CDC25A: variants seen among roughly 807,000 people sequenced by gnomAD.
CDC25A encodes cell division cycle 25A, also known as M-phase inducer phosphatase 1.
In CDC25A, 17 loss-of-function variants were observed where a neutral mutation model predicts 64.6. That is an observed-to-expected ratio of 0.26 (90% CI 0.18 to 0.39). The LOEUF (loss-of-function observed/expected upper bound fraction) is 0.39, where lower values mean the gene tolerates loss of function less well. Ranked by LOEUF, CDC25A falls within the 10% of genes least tolerant of loss-of-function variation. CDC25A has a pLI of 1.00. For synonymous variants in CDC25A, 229 were observed against 238.6 expected (o/e 0.96, Z 0.37); for missense variants, 473 against 654.8 (o/e 0.72, Z 3.03).
At chr3:48,185,025 T>C (rs1489580764) in intron 2 of CDC25A, among the ~76,000 whole-genome samples, 1 of 152,210 alleles carries the variant, frequency 6.6e-6, no homozygotes, top group Admixed American at 6.5e-5. Context: ...CAGATAACTT[T>C]CTGTGAGTTC....
Position 48,184,109 on chromosome 3 carries a change from T to C in CDC25A, c.291-273A>G, listed in dbSNP as rs150834272. Among the ~76,000 whole-genome samples the C allele has an allele frequency of 3.8e-3, 575 of 152,150 alleles. 2 individuals carry two copies. Among genetic ancestry groups the C allele is most frequent in the African/African-American group, 0.013 (534 of 41,518 alleles). The stretch of plus-strand genomic sequence containing the variant: ...GCTCACACATGTAATCCCAGCACTA[T>C]GGGCACTATGGGAGGCCGAGGAGGG... On this transcript the variant is annotated intron_variant, in intron 3 of 14. Transcript: ENST00000302506.
intron 9 of CDC25A, among the ~76,000 whole-genome samples, chr3:48,170,883 G>A (rs1249206091): frequency 2.0e-5 from 3 of 152,094 alleles, no homozygotes; most frequent in Non-Finnish European, 2.9e-5. Flanking sequence ...TCACAGGTAT[G>A]ATAACTGTAC....
chr3:48,172,722 G>A (rs1336659551), intron 9 of CDC25A, among the ~76,000 whole-genome samples: 1 of 152,138 alleles, frequency 6.6e-6, no homozygotes, highest in East Asian at 1.9e-4. Context: ...AAATTAGCTG[G>A]GTTTGGTGGC....
chr3:48,165,607 C>T, intron 12 of CDC25A, 29 bp downstream of exon 12: 1 of 1,506,242 alleles, frequency 6.6e-7, no homozygotes, highest in Admixed American at 1.7e-5. Flanking sequence ...TTTAGGGCTC[C>T]TTCTACAGCA....
intron 5 of CDC25A, among the ~76,000 whole-genome samples, chr3:48,182,717 C>T (rs2032711090): frequency 6.6e-6 from 1 of 152,220 alleles, no homozygotes; most frequent in Non-Finnish European, 1.5e-5. Context: ...ATTACTACTC[C>T]TATTTTACAA....
At chr3:48,181,604 A>G (rs563848687) in intron 5 of CDC25A, 56 of 1,536,926 alleles carry the variant, frequency 3.6e-5, no homozygotes, top group East Asian at 6.7e-5. Flanking sequence ...TCTTGTCCCT[A>G]TGGGATTTGT....
intron 9 of CDC25A, among the ~76,000 whole-genome samples, chr3:48,172,674 C>T (rs917285485): frequency 1.3e-5 from 2 of 152,142 alleles, no homozygotes. Context: ...GACCAGCCTG[C>T]GCAACATGGC....
chr3:48,159,566 A>C, intron 13 of CDC25A, 111 bp from the exon 14 acceptor site: 1 of 692,570 alleles, frequency 1.4e-6, no homozygotes. Context: ...ACATCTTCCC[A>C]ACTTGACATT....
At chr3:48,164,505 T>C in intron 12 of CDC25A, 68 bp from the exon 13 acceptor site, 2 of 1,375,444 alleles carry the variant, frequency 1.5e-6, no homozygotes, top group Non-Finnish European at 1.9e-6. Context: ...CAGCAAGATG[T>C]AATGATTCAT....
chr3:48,174,150 C>CA, intron 9 of CDC25A, 134 bp downstream of exon 9: 2 of 753,946 alleles, frequency 2.7e-6, no homozygotes, highest in South Asian at 1.9e-5. Context: ...CACACACACA[C>CA]CCACACACAC....
intron 13 of CDC25A, among the ~76,000 whole-genome samples, chr3:48,161,954 G>A (rs1392861396): frequency 1.3e-5 from 2 of 152,036 alleles, no homozygotes; most frequent in Non-Finnish European, 2.9e-5. Flanking sequence ...CCAGCTACTT[G>A]GGAGCCTGAG....
intron 5 of CDC25A, 51 bp downstream of exon 5, chr3:48,182,878 G>T: frequency 8.3e-7 from 1 of 1,198,698 alleles, no homozygotes; most frequent in Non-Finnish European, 1.2e-6. Context: ...GCCACTGACA[G>T]CCTGTGGGTT....
Position 48,165,858 on chromosome 3 carries a change from C to T in CDC25A, c.1065G>A (p.Gln355=). 5.0e-6 allele frequency: 8 copies of T among 1,609,286 alleles called. No individual in the cohort carries two copies. Among genetic ancestry groups the T allele is most frequent in the Non-Finnish European group, 6.8e-6 (8 of 1,175,670 alleles). Residue 355 remains glutamine, a synonymous_variant, in exon 11 of 15, where the codon CAG becomes CAA. Transcript: ENST00000302506. ...TTTCTGGAGAGATGTATTTTAAATCCTGATGTTTCCCAGCAACTGTATGAA... is the reference window on the plus strand; with the variant it reads ...TTTCTGGAGAGATGTATTTTAAATCTTGATGTTTCCCAGCAACTGTATGAA... The part of the protein sequence containing the change: ...YLFHTVAGKH[Q]DLKYISPEIM...
chr3:48,170,175 CAGCA>C (rs372246067), intron 9 of CDC25A, among the ~76,000 whole-genome samples: 14 of 152,118 alleles, frequency 9.2e-5, no homozygotes, highest in Non-Finnish European at 1.6e-4. Context: ...TTCTCCCTAC[CAGCA>C]AGCAAGCAAG....
At chr3:48,186,596 C>G (rs1263362061) in intron 2 of CDC25A, 107 bp downstream of exon 2, 1 of 650,678 alleles carries the variant, frequency 1.5e-6, no homozygotes, top group African/African-American at 1.9e-5. Context: ...AAGTTTATCA[C>G]CCAATGCCAT....
In CDC25A at chr3:48,180,785, G is replaced by A; in HGVS notation, c.485C>T (p.Ser162Phe). The A allele has an allele frequency of 6.2e-7, 1 of 1,614,126 alleles. No individual in the cohort carries two copies. The highest frequency in any genetic ancestry group is 8.5e-7 in the Non-Finnish European group (1 of 1,179,954). ...ATCTTTACCCTCCTGGAGTCCATGA[G>A]AGTGCAGGCAGCCACGAGATACAGG... ...VRPVSRGCLH[S>F]HGLQEGKDLF... is the part of the protein sequence containing the mutation. Residue 162 changes from serine to phenylalanine, a missense_variant, in exon 6 of 15, where the codon TCT becomes TTT. This residue lies in a region of CDC25A where 376 missense variants were observed against 431.9 expected (regional missense o/e 0.87). Transcript: ENST00000302506.
chr3:48,183,616 G>A (rs1404845166), intron 4 of CDC25A, among the ~76,000 whole-genome samples, 184 bp downstream of exon 4: 1 of 152,158 alleles, frequency 6.6e-6, no homozygotes, highest in Non-Finnish European at 1.5e-5. Flanking sequence ...GGGAAGCAGA[G>A]GTTGCAGTGA....
At chr3:48,167,811 C>T (rs1559958094) in intron 10 of CDC25A, 35 bp downstream of exon 10, 2 of 1,165,858 alleles carry the variant, frequency 1.7e-6, no homozygotes, top group Non-Finnish European at 2.6e-6. Context: ...CACACTCCCT[C>T]CTACACTTGC....
At position 48,174,313 on chromosome 3, in the gene CDC25A, CTT is replaced by C; in HGVS notation, c.899_900del (p.Lys300ArgfsTer4). On this transcript the variant is annotated frameshift_variant, in exon 9 of 15. Coordinates refer to ENST00000302506, the MANE Select transcript of CDC25A (RefSeq NM_001789.3). LOFTEE classifies it high-confidence loss of function. ...TGGGCCTTCTCTGGATTAGTTGACT[CTT>C]TGGGGCTGGCCCCAGACATGCTCTT... The part of the protein sequence containing the change: ...RRKSMSGASP[K>X]ESTNPEKAHE... 2 of 1,614,080 alleles carry C rather than the reference CTT, an allele frequency of 1.2e-6. No individual in the cohort carries two copies. Among genetic ancestry groups the C allele is most frequent in the Non-Finnish European group, 1.7e-6 (2 of 1,179,984 alleles).
Sources: allele counts gnomAD v4.1 joint callset (sites outside exome capture counted in the v4.1 genomes callset), GRCh38; gene constraint gnomAD v4.1.1; regional missense constraint gnomAD v4.1.1; transcripts MANE v1.5; gene names NCBI Gene and HGNC (gene_info 2026-07-23, HGNC 2026-07-21).